MGST3: variants seen among roughly 807,000 people sequenced by gnomAD.
The protein encoded by MGST3 is microsomal glutathione S-transferase 3.
MGST3 carries 13 observed loss-of-function variants against 15.8 expected under a neutral mutation model. The observed-to-expected ratio is 0.82, with a 90% CI of 0.54 to 1.31. MGST3 has a LOEUF of 1.31. MGST3 is among the 50% of genes most tolerant of loss of function. MGST3 has a pLI of 0.00. For synonymous variants in MGST3, 49 were observed against 68.1 expected (o/e 0.72, Z 1.38); for missense variants, 155 against 192.4 (o/e 0.81, Z 1.15).
At chr1:165,653,540 A>G (rs751445580) in intron 4 of MGST3, among the ~76,000 whole-genome samples, 28 of 152,320 alleles carry the variant, frequency 1.8e-4, no homozygotes, top group Middle Eastern at 3.4e-3. Context: ...TATCCCTAAC[A>G]GTAGCACTGC....
At chr1:165,633,607 C>A (rs147490450) in intron 1 of MGST3, among the ~76,000 whole-genome samples, 7 of 152,094 alleles carry the variant, frequency 4.6e-5, no homozygotes, top group African/African-American at 1.2e-4. Context: ...AAAGGTCGAA[C>A]CCCTGTTTCA....
Position 165,655,668 on chromosome 1 carries a change from A to T in MGST3, c.*164A>T. Reference sequence around the variant, plus strand: ...TCCGTTTGAGTCTGTATCTGAAATCAGTAGCCTAGTCCTACTAGATGAGAA... The same window carrying T: ...TCCGTTTGAGTCTGTATCTGAAATCTGTAGCCTAGTCCTACTAGATGAGAA... On this transcript the variant is annotated 3_prime_UTR_variant, in exon 6 of 6. Transcript: ENST00000367889. The T allele has an allele frequency of 6.1e-6, 5 of 814,140 alleles. No homozygotes were observed. The highest frequency in any genetic ancestry group is 9.7e-6 in the Non-Finnish European group (5 of 516,726). 50.4% of individuals were successfully genotyped at this position (814,140 alleles called of 1,614,324 possible). A position where few individuals can be genotyped will look rare whatever the true frequency, so the allele number is the denominator to read the frequency against.
At chr1:165,654,836 T>C (rs1028040175) in intron 5 of MGST3, among the ~76,000 whole-genome samples, 1 of 152,258 alleles carries the variant, frequency 6.6e-6, no homozygotes, top group Non-Finnish European at 1.5e-5. Context: ...GAGCATTTTC[T>C]ATGTGCCAAC....
intron 1 of MGST3, among the ~76,000 whole-genome samples, chr1:165,643,309 C>A (rs1239883367): frequency 1.3e-5 from 2 of 151,994 alleles, no homozygotes; most frequent in African/African-American, 4.8e-5. Flanking sequence ...TCTGGTTTTG[C>A]CATCATAAAT....
chr1:165,645,384 A>G (rs1175010552), intron 1 of MGST3, among the ~76,000 whole-genome samples: 2 of 152,076 alleles, frequency 1.3e-5, no homozygotes, highest in African/African-American at 2.4e-5. Flanking sequence ...ACATGGACAC[A>G]CCTGCCATGT....
chr1:165,644,332 G>C (rs1648336780), intron 1 of MGST3, among the ~76,000 whole-genome samples: 1 of 152,190 alleles, frequency 6.6e-6, no homozygotes, highest in Non-Finnish European at 1.5e-5. Context: ...TGTACAGCAT[G>C]TTACTGTACT....
rs775360473 is a variant in MGST3, at chr1:165,652,002, A to G, written c.216A>G (p.Leu72=). Residue 72 remains leucine, a synonymous_variant, in exon 4 of 6, where the codon TTA becomes TTG. Transcript: ENST00000367889. ...GGTTGGAAGTGTATCCTCCCTTCTT[A>G]TTTTTTCTAGCTGTTGGAGGTGTTT... is the stretch of plus-strand genomic sequence containing the variant. ...QNTLEVYPPF[L]FFLAVGGVYH... 5 of 1,609,138 alleles carry G rather than the reference A, an allele frequency of 3.1e-6. No homozygotes were observed. The highest frequency in any genetic ancestry group is 4.2e-6 in the Non-Finnish European group (5 of 1,178,226).
In MGST3 at chr1:165,631,236, C is replaced by T. The variant is rs1285337696; in HGVS notation, c.-65C>T. ...CTAGCCCCGCCCCAGGCGAGGGCGC[C>T]GCACCCACACCGCGCTGCGCAGTTT... On this transcript the variant is annotated 5_prime_UTR_variant, in exon 1 of 6. Transcript: ENST00000367889. 2 of 152,686 alleles carry T rather than the reference C, an allele frequency of 1.3e-5. No homozygotes were observed. The highest frequency in any genetic ancestry group is 2.9e-5 in the Non-Finnish European group (2 of 68,112). The allele number at this position is 152,686 out of a possible 1,614,324, so 9.5% of individuals were successfully genotyped here. A position where few individuals can be genotyped will look rare whatever the true frequency, so the allele number is the denominator to read the frequency against.
intron 1 of MGST3, chr1:165,645,589 A>G (rs1386886779): frequency 1.3e-5 from 2 of 152,214 alleles, no homozygotes; most frequent in African/African-American, 2.4e-5. Context: ...TGTGCTGTAC[A>G]TAATTATACA....
chr1:165,652,058 A>T (rs1445803725), intron 4 of MGST3, 23 bp downstream of exon 4: 2 of 1,548,592 alleles, frequency 1.3e-6, no homozygotes, highest in Non-Finnish European at 1.8e-6. Context: ...GGAGGTGTTC[A>T]TCTATTTGGA....
chr1:165,652,378 C>T (rs990035250), intron 4 of MGST3, among the ~76,000 whole-genome samples: 1 of 152,216 alleles, frequency 6.6e-6, no homozygotes, highest in Non-Finnish European at 1.5e-5. Flanking sequence ...AACAAACTTT[C>T]ACTCACCACC....
chr1:165,655,765 AAGTCTG>A lies in MGST3; in HGVS notation c.*263_*268del, dbSNP rs1648692924. ...TTCTGTAGTATGTGAGGTTGAGAAA[AAGTCTG>A]ATTGTGGTGATGTAGGTATAGTCAT... On this transcript the variant is annotated 3_prime_UTR_variant, in exon 6 of 6. Transcript: ENST00000367889. The A allele has an allele frequency of 2.0e-6, 1 of 489,762 alleles. No homozygotes were observed. The allele number at this position is 489,762 out of a possible 1,614,324, so 30.3% of individuals were successfully genotyped here.
At chr1:165,651,603 G>A (rs1357076899) in intron 3 of MGST3, 3 of 304,544 alleles carry the variant, frequency 9.9e-6, no homozygotes, top group African/African-American at 6.5e-5. Context: ...CAAGGAAGAT[G>A]TAAAGATTCA....
At chr1:165,655,340 GTAACTTC>G in intron 5 of MGST3, 21 bp from the exon 6 acceptor site, 2 of 1,613,650 alleles carry the variant, frequency 1.2e-6, no homozygotes, top group Non-Finnish European at 1.7e-6. Context: ...AGCACTCCTG[GTAACTTC>G]TGTTCTTTCT....
At chr1:165,635,657 A>G (rs1347227830) in intron 1 of MGST3, 1 of 152,250 alleles carries the variant, frequency 6.6e-6, no homozygotes, top group African/African-American at 2.4e-5. Context: ...AATATTTTAT[A>G]TGGCCAAACT....
At chr1:165,640,686 T>C (rs1039759665) in intron 1 of MGST3, among the ~76,000 whole-genome samples, 4 of 152,196 alleles carry the variant, frequency 2.6e-5, no homozygotes, top group African/African-American at 7.2e-5. Flanking sequence ...ATCTAGGATA[T>C]AGAACAGCAG....
At chr1:165,654,578 C>A (rs1173768805) in intron 5 of MGST3, among the ~76,000 whole-genome samples, 1 of 152,120 alleles carries the variant, frequency 6.6e-6, no homozygotes, top group Non-Finnish European at 1.5e-5. Context: ...GTAGTCCCAG[C>A]TACTTGGGAG....
At chr1:165,634,301 C>T (rs1648040041) in intron 1 of MGST3, among the ~76,000 whole-genome samples, 1 of 152,034 alleles carries the variant, frequency 6.6e-6, no homozygotes, top group African/African-American at 2.4e-5. Flanking sequence ...CGCTGTGTGA[C>T]CTTGGGCAGG....
intron 2 of MGST3, 73 bp downstream of exon 2, chr1:165,650,037 C>A: frequency 6.2e-7 from 1 of 1,603,882 alleles, no homozygotes; most frequent in South Asian, 1.1e-5. Flanking sequence ...AACTTATTTT[C>A]AGCCATGGAG....
Sources: allele counts gnomAD v4.1 joint callset (sites outside exome capture counted in the v4.1 genomes callset), GRCh38; gene constraint gnomAD v4.1.1; transcripts MANE v1.5; gene names NCBI Gene and HGNC (gene_info 2026-07-23, HGNC 2026-07-21).